The following TTC29 variants were observed in gnomAD, a reference collection of about 807,000 sequenced individuals.
TTC29 encodes tetratricopeptide repeat protein 29.
In TTC29, 49 loss-of-function variants were observed where a neutral mutation model predicts 58.1. The ratio of observed to expected loss-of-function variants is 0.84; its 90% CI spans 0.67 to 1.07. The LOEUF (loss-of-function observed/expected upper bound fraction) is 1.07, where lower values mean the gene tolerates loss of function less well. Among genes scored for constraint, TTC29 ranks in the 50% least tolerant of loss-of-function variants. The pLI is 0.00. For missense variants in TTC29, 582 were observed against 555.6 expected, an observed-to-expected ratio of 1.05 and a Z score of -0.48; for synonymous variants, 209 against 196.8, an observed-to-expected ratio of 1.06 and a Z score of -0.52.
At chr4:146,801,297 T>G (rs67026372) in intron 11 of TTC29, among the ~76,000 whole-genome samples, 2 of 152,164 alleles carry the variant, frequency 1.3e-5, no homozygotes, top group Admixed American at 1.3e-4. Context: ...CAAACCTGTT[T>G]GATAATATCC....
intron 11 of TTC29, among the ~76,000 whole-genome samples, chr4:146,763,208 CT>C (rs1747038831): frequency 6.6e-6 from 1 of 151,784 alleles, no homozygotes; most frequent in South Asian, 2.1e-4. Flanking sequence ...CTTTTTTTTC[CT>C]TCCCCAAAAT....
chr4:146,862,251 T>TTACA (rs1479302967), intron 8 of TTC29, among the ~76,000 whole-genome samples: 2 of 147,090 alleles, frequency 1.4e-5, no homozygotes, highest in Admixed American at 1.4e-4. Flanking sequence ...TATTTTATCA[T>TTACA]TATATATATA....
chr4:146,735,842 C>A (rs1744674789), intron 11 of TTC29, among the ~76,000 whole-genome samples: 1 of 152,092 alleles, frequency 6.6e-6, no homozygotes. Context: ...CTTCATGGGT[C>A]TTACAGAAGC....
chr4:146,835,537 T>G (rs886420682), intron 8 of TTC29, among the ~76,000 whole-genome samples: 1 of 151,910 alleles, frequency 6.6e-6, no homozygotes, highest in Non-Finnish European at 1.5e-5. Flanking sequence ...AGTTCATTTG[T>G]TTTTTTTCAG....
At chr4:146,921,451 G>A (rs1479302287) in intron 4 of TTC29, among the ~76,000 whole-genome samples, 1 of 151,118 alleles carries the variant, frequency 6.6e-6, no homozygotes, top group Non-Finnish European at 1.5e-5. Context: ...TTAGTAGGCG[G>A]AGAACAAGAA....
chr4:146,894,489 G>A (rs1204015772), intron 6 of TTC29, among the ~76,000 whole-genome samples: 11 of 147,560 alleles, frequency 7.5e-5, no homozygotes. Context: ...ATGAGAACAT[G>A]TGGACACAGG....
chr4:146,901,888 G>C (rs1336358652), intron 6 of TTC29, among the ~76,000 whole-genome samples: 1 of 152,134 alleles, frequency 6.6e-6, no homozygotes, highest in Non-Finnish European at 1.5e-5. Context: ...CAAGGGCAGA[G>C]ACTTTGTCTT....
intron 9 of TTC29, among the ~76,000 whole-genome samples, chr4:146,831,432 C>T (rs139719709): frequency 1.3e-5 from 2 of 152,230 alleles, no homozygotes; most frequent in African/African-American, 4.8e-5. Flanking sequence ...GTTTACTTGG[C>T]ATAAAAGTAA....
chr4:146,757,416 C>T (rs984410863), intron 11 of TTC29, among the ~76,000 whole-genome samples: 1 of 152,132 alleles, frequency 6.6e-6, no homozygotes, highest in Non-Finnish European at 1.5e-5. Flanking sequence ...CCGTGGATAC[C>T]AGTGCCTGTT....
At chr4:146,916,087 A>G (rs1734200988) in intron 4 of TTC29, among the ~76,000 whole-genome samples, 1 of 151,888 alleles carries the variant, frequency 6.6e-6, no homozygotes, top group South Asian at 2.1e-4. Flanking sequence ...ACTTAAATTA[A>G]TACTTAAATA....
At chr4:146,779,447 T>C (rs919622958) in intron 11 of TTC29, among the ~76,000 whole-genome samples, 8 of 152,178 alleles carry the variant, frequency 5.3e-5, no homozygotes, top group Non-Finnish European at 1.0e-4. Context: ...ATTCAAGTAA[T>C]ATTATAAATT....
At chr4:146,922,012 CAAAAAAAAA>C (rs34167190) in intron 4 of TTC29, among the ~76,000 whole-genome samples, 1 of 107,438 alleles carries the variant, frequency 9.3e-6, no homozygotes, top group Non-Finnish European at 1.8e-5. Flanking sequence ...GGATCCCCTA[CAAAAAAAAA>C]AAAAAAAAAG....
intron 11 of TTC29, among the ~76,000 whole-genome samples, chr4:146,771,293 T>C (rs1747708930): frequency 6.6e-6 from 1 of 152,114 alleles, no homozygotes; most frequent in Non-Finnish European, 1.5e-5. Flanking sequence ...GGGGTACATG[T>C]GCAGGTTTGT....
intron 8 of TTC29, among the ~76,000 whole-genome samples, chr4:146,840,829 T>C (rs1327699698): frequency 6.6e-6 from 1 of 152,094 alleles, no homozygotes; most frequent in Non-Finnish European, 1.5e-5. Context: ...AATAATAGAA[T>C]TGGGGAAGCT....
chr4:146,892,091 G>C (rs1221461243), intron 6 of TTC29, among the ~76,000 whole-genome samples: 1 of 152,138 alleles, frequency 6.6e-6, no homozygotes, highest in East Asian at 1.9e-4. Flanking sequence ...GAGGTATCTG[G>C]TGGGAGGTGA....
At chr4:146,723,171 TGGGAGGCGGA>T (rs914965583) in intron 11 of TTC29, among the ~76,000 whole-genome samples, 3 of 151,606 alleles carry the variant, frequency 2.0e-5, no homozygotes, top group African/African-American at 7.3e-5. Context: ...TCACTTGAAC[TGGGAGGCGGA>T]GGTTGCACTG....
At chr4:146,783,885 C>T (rs919351200) in intron 11 of TTC29, among the ~76,000 whole-genome samples, 2 of 151,994 alleles carry the variant, frequency 1.3e-5, no homozygotes, top group Non-Finnish European at 2.9e-5. Context: ...ATGGGATCCA[C>T]AGATTAATGA....
intron 11 of TTC29, among the ~76,000 whole-genome samples, chr4:146,722,337 CA>C (rs1184381156): frequency 6.6e-6 from 1 of 151,938 alleles, no homozygotes; most frequent in African/African-American, 2.4e-5. Flanking sequence ...CATACAGAAC[CA>C]AAAAAGAGCC....
At chr4:146,943,596 AT>A (rs1294524263) in intron 2 of TTC29, among the ~76,000 whole-genome samples, 1 of 152,200 alleles carries the variant, frequency 6.6e-6, no homozygotes, top group African/African-American at 2.4e-5. Flanking sequence ...CTCAGAATCA[AT>A]ACGTGGCCAC....
Sources: gnomAD v4.1 joint callset for allele counts (sites outside exome capture counted in the v4.1 genomes callset) on GRCh38, gnomAD v4.1.1 for gene constraint, MANE v1.5 for transcripts, NCBI Gene and HGNC (gene_info 2026-07-23, HGNC 2026-07-21) for gene names.